Variants in IPO11 observed in about 807,000 individuals in gnomAD.
The protein encoded by IPO11 is importin 11, also known as importin-11.
In IPO11, 66 loss-of-function variants were observed where a neutral mutation model predicts 143.2. The observed-to-expected ratio is 0.46, with a 90% CI of 0.38 to 0.57. The LOEUF is 0.57. Ranked by LOEUF, IPO11 falls within the 20% of genes least tolerant of loss-of-function variation. IPO11 has a pLI of 0.00. For missense variants in IPO11, 1,026 were observed against 1,141.0 expected, an observed-to-expected ratio of 0.90 and a Z score of 1.45; for synonymous variants, 385 against 377.8, an observed-to-expected ratio of 1.02 and a Z score of -0.22.
chr5:62,498,872 A>G, intron 16 of IPO11, among the ~76,000 whole-genome samples: 1 of 152,388 alleles, frequency 6.6e-6, no homozygotes, highest in South Asian at 2.1e-4. Flanking sequence ...TTCATCTTAA[A>G]AGAAAAAAGA....
chr5:62,469,753 C>CT (rs1340001369), intron 6 of IPO11, among the ~76,000 whole-genome samples: 5 of 152,120 alleles, frequency 3.3e-5, no homozygotes, highest in Admixed American at 6.5e-5. Context: ...TCTGTGTACA[C>CT]TAGTTTGTCA....
chr5:62,558,012 C>T (rs1205096213), intron 26 of IPO11, among the ~76,000 whole-genome samples: 3 of 152,134 alleles, frequency 2.0e-5, no homozygotes, highest in Non-Finnish European at 2.9e-5. Flanking sequence ...TACCAAGGCT[C>T]AATGTACTGT....
chr5:62,468,150 A>G (rs140904628), intron 6 of IPO11, among the ~76,000 whole-genome samples: 39 of 152,126 alleles, frequency 2.6e-4, no homozygotes, highest in African/African-American at 8.7e-4. Context: ...TCCTAGCTTT[A>G]AGTGATCCTC....
In IPO11 at chr5:62,487,764, T is replaced by A; in HGVS notation, c.1219-7T>A. On this transcript the variant is annotated splice_region_variant and splice_polypyrimidine_tract_variant and intron_variant, in intron 12 of 29. Coordinates refer to ENST00000325324, the MANE Select transcript of IPO11 (RefSeq NM_016338.5). ...TTGATGAGAAATTTGTATTTTTCCCTCTCCAGCCATGCACTGAAGTATTAT... is the reference window on the plus strand; with the variant it reads ...TTGATGAGAAATTTGTATTTTTCCCACTCCAGCCATGCACTGAAGTATTAT... The A allele has an allele frequency of 6.4e-7, 1 of 1,557,018 alleles. No individual in the cohort carries two copies. The highest frequency in any genetic ancestry group is 8.7e-7 in the Non-Finnish European group (1 of 1,152,898).
intron 15 of IPO11, among the ~76,000 whole-genome samples, chr5:62,492,023 G>A (rs1439384775): frequency 6.6e-6 from 1 of 152,142 alleles, no homozygotes; most frequent in Non-Finnish European, 1.5e-5. Flanking sequence ...AATGGACAAA[G>A]CTGATGTAGA....
At chr5:62,461,020 A>G (rs946809714) in intron 5 of IPO11, among the ~76,000 whole-genome samples, 1 of 151,966 alleles carries the variant, frequency 6.6e-6, no homozygotes, top group East Asian at 1.9e-4. Flanking sequence ...TTCTTTCTTT[A>G]TCTCTCTCCC....
intron 24 of IPO11, among the ~76,000 whole-genome samples, chr5:62,542,662 C>T (rs1430000305): frequency 6.6e-6 from 1 of 152,124 alleles, no homozygotes; most frequent in Non-Finnish European, 1.5e-5. Context: ...GACCAGTATG[C>T]CTGCTTTTGG....
At chr5:62,514,633 AGGG>A (rs1268152438) in intron 19 of IPO11, among the ~76,000 whole-genome samples, 1 of 147,778 alleles carries the variant, frequency 6.8e-6, no homozygotes, top group Non-Finnish European at 1.5e-5. Context: ...GGAGAGGGAG[AGGG>A]AGACGGGAGG....
At chr5:62,495,977 A>G (rs559797037) in intron 16 of IPO11, among the ~76,000 whole-genome samples, 8 of 152,280 alleles carry the variant, frequency 5.3e-5, no homozygotes, top group East Asian at 3.9e-4. Flanking sequence ...TAGTTAGGCA[A>G]CTGGTCAGAG....
intron 26 of IPO11, among the ~76,000 whole-genome samples, chr5:62,555,720 G>T (rs1164645631): frequency 6.6e-6 from 1 of 152,024 alleles, no homozygotes; most frequent in African/African-American, 2.4e-5. Context: ...AGCCAAGATG[G>T]TCTTGATCTC....
At position 62,508,286 on chromosome 5, in the gene IPO11, C is replaced by T. The variant is rs557423982; in HGVS notation, c.1782+1929C>T. Among the ~76,000 whole-genome samples, 9 of 151,348 alleles carry T rather than the reference C, an allele frequency of 5.9e-5. No individual in the cohort carries two copies. In the East Asian group the frequency reaches 1.7e-3, roughly 29 times the overall value. ...GTAGCTTGGATTACAGGTGTGCCAC[C>T]ATGCCTGGCTAATTTTTTTTTTTTT... On this transcript the variant is annotated intron_variant, in intron 19 of 29. Coordinates refer to ENST00000325324, the MANE Select transcript of IPO11 (RefSeq NM_016338.5).
chr5:62,612,371 A>T (rs995625584), intron 29 of IPO11, among the ~76,000 whole-genome samples: 3 of 152,200 alleles, frequency 2.0e-5, no homozygotes, highest in African/African-American at 4.8e-5. Flanking sequence ...GTTTCAGTGT[A>T]GTTTCAAAGA....
intron 3 of IPO11, 40 bp from the exon 4 acceptor site, chr5:62,449,886 TG>T: frequency 8.1e-7 from 1 of 1,239,470 alleles, no homozygotes; most frequent in Non-Finnish European, 1.1e-6. Flanking sequence ...TATTATTAGG[TG>T]GCATTCTTTT....
chr5:62,561,064 G>T (rs1377497808), intron 26 of IPO11, 72 bp from the exon 27 acceptor site: 4 of 1,348,164 alleles, frequency 3.0e-6, no homozygotes, highest in Non-Finnish European at 4.0e-6. Flanking sequence ...TGAGGCTTTA[G>T]CCTTTAAAAG....
intron 10 of IPO11, among the ~76,000 whole-genome samples, chr5:62,483,788 G>A (rs899283484): frequency 1.3e-5 from 2 of 152,048 alleles, no homozygotes; most frequent in Admixed American, 6.6e-5. Flanking sequence ...TGCCGTGATG[G>A]TATTGCATGG....
intron 15 of IPO11, among the ~76,000 whole-genome samples, chr5:62,492,881 T>G (rs994324247): frequency 6.6e-6 from 1 of 152,124 alleles, no homozygotes; most frequent in Non-Finnish European, 1.5e-5. Flanking sequence ...GTGTGCTTGA[T>G]CATCTTTTAA....
intron 24 of IPO11, among the ~76,000 whole-genome samples, chr5:62,539,568 T>G (rs1298805944): frequency 6.6e-6 from 1 of 152,238 alleles, no homozygotes; most frequent in African/African-American, 2.4e-5. Flanking sequence ...CAAAGAATCA[T>G]GTGGGCTCTA....
intron 5 of IPO11, among the ~76,000 whole-genome samples, chr5:62,458,321 G>T (rs982066336): frequency 3.5e-5 from 5 of 141,566 alleles, no homozygotes; most frequent in African/African-American, 1.3e-4. Context: ...TCCCCCTGGG[G>T]ATTGAGTCTT....
intron 7 of IPO11, among the ~76,000 whole-genome samples, chr5:62,472,759 C>T (rs1323646965): frequency 6.6e-6 from 1 of 152,058 alleles, no homozygotes; most frequent in African/African-American, 2.4e-5. Context: ...GAACTCCTGA[C>T]CTCAGTTGAT....
Sources: gnomAD v4.1 joint callset for allele counts (sites outside exome capture counted in the v4.1 genomes callset) on GRCh38, gnomAD v4.1.1 for gene constraint, MANE v1.5 for transcripts, NCBI Gene and HGNC (gene_info 2026-07-23, HGNC 2026-07-21) for gene names.